Variants in KANSL1 observed in about 807,000 individuals in gnomAD.
KANSL1 encodes the protein MLL1/MLL complex subunit KANSL1.
A neutral mutation model predicts 103.6 loss-of-function variants in KANSL1; 22 were observed. That is an observed-to-expected ratio of 0.21 (90% CI 0.15 to 0.30). The LOEUF is 0.30. Ranked by LOEUF, KANSL1 falls within the 10% of genes least tolerant of loss-of-function variation. The pLI, the probability that KANSL1 is intolerant of heterozygous loss-of-function variation, is 1.00. For missense variants in KANSL1, 1,337 were observed against 1,399.8 expected (o/e 0.96, Z 0.72); for synonymous variants, 600 against 527.6 (o/e 1.14, Z -1.88).
intron 2 of KANSL1, among the ~76,000 whole-genome samples, chr17:46,165,228 T>C (rs1354338828): frequency 2.0e-5 from 3 of 151,932 alleles, no homozygotes; most frequent in Non-Finnish European, 2.9e-5. Flanking sequence ...CTTTTTTTTA[T>C]TTTTATTTTT....
upstream of KANSL1, among the ~76,000 whole-genome samples, chr17:46,198,863 A>G (rs1224905935): frequency 6.6e-6 from 1 of 152,256 alleles, no homozygotes; most frequent in Non-Finnish European, 1.5e-5. Context: ...TCATAAATCT[A>G]ATGCCACATT....
chr17:46,047,810 A>C (rs546640390), intron 7 of KANSL1, among the ~76,000 whole-genome samples: 9 of 135,648 alleles, frequency 6.6e-5, no homozygotes, highest in African/African-American at 2.0e-4. Context: ...ATTAAAAAAA[A>C]AAAAAAAACA....
intron 3 of KANSL1, among the ~76,000 whole-genome samples, chr17:46,088,037 G>A (rs2079231279): frequency 6.6e-6 from 1 of 152,170 alleles, no homozygotes; most frequent in Non-Finnish European, 1.5e-5. Flanking sequence ...CGAAGAAAAA[G>A]GTCAAGAGTC....
At chr17:46,032,635 G>A in intron 13 of KANSL1, 2 of 346,016 alleles carry the variant, frequency 5.8e-6, no homozygotes, top group Non-Finnish European at 1.0e-5. Context: ...CTTTCTACTT[G>A]AGAATCCCGA....
intron 2 of KANSL1, among the ~76,000 whole-genome samples, chr17:46,106,208 G>T (rs1458180562): frequency 6.6e-6 from 1 of 152,156 alleles, no homozygotes; most frequent in Non-Finnish European, 1.5e-5. Flanking sequence ...CACTTAGCTA[G>T]CTATTATCAT....
intron 2 of KANSL1, among the ~76,000 whole-genome samples, chr17:46,145,883 G>A (rs966548011): frequency 2.0e-5 from 3 of 152,112 alleles, no homozygotes; most frequent in Non-Finnish European, 4.4e-5. Flanking sequence ...CGTCGACCAT[G>A]ACACTCAGCT....
chr17:46,043,278 C>T (rs1195636088), intron 7 of KANSL1: 1 of 151,324 alleles, frequency 6.6e-6, no homozygotes, highest in Admixed American at 6.6e-5. Context: ...TTTCCCCCAT[C>T]GTTCTCCCAA....
chr17:46,138,959 C>A (rs1366881971), intron 2 of KANSL1, among the ~76,000 whole-genome samples: 3 of 152,234 alleles, frequency 2.0e-5, no homozygotes, highest in Non-Finnish European at 2.9e-5. Context: ...CAACTACCCC[C>A]AGTGGCTTAT....
At chr17:46,090,853 A>G (rs2079355784) in intron 3 of KANSL1, among the ~76,000 whole-genome samples, 1 of 152,270 alleles carries the variant, frequency 6.6e-6, no homozygotes, top group African/African-American at 2.4e-5. Context: ...TGCTATTAGA[A>G]GTATACCACA....
intron 1 of KANSL1, among the ~76,000 whole-genome samples, chr17:46,216,187 T>C (rs1052480831): frequency 6.6e-6 from 1 of 152,222 alleles, no homozygotes; most frequent in Non-Finnish European, 1.5e-5. Flanking sequence ...CATCGGCATA[T>C]AGACGGCAAG....
intron 4 of KANSL1, among the ~76,000 whole-genome samples, chr17:46,075,787 A>G (rs1191504630): frequency 2.0e-5 from 3 of 152,212 alleles, no homozygotes; most frequent in Non-Finnish European, 2.9e-5. Context: ...CAAAATATCC[A>G]ACACTCCATC....
intron 3 of KANSL1, among the ~76,000 whole-genome samples, chr17:46,092,064 C>T (rs1483579474): frequency 2.0e-5 from 3 of 152,196 alleles, no homozygotes; most frequent in African/African-American, 7.2e-5. Context: ...AGGTGACCCA[C>T]CCACCTTGGA....
chr17:46,184,724 T>A (rs1258131351), intron 1 of KANSL1, among the ~76,000 whole-genome samples: 1 of 152,156 alleles, frequency 6.6e-6, no homozygotes, highest in South Asian at 2.1e-4. Flanking sequence ...CAGGTTGAGG[T>A]GGGGTCCCTC....
At chr17:46,204,707 G>A (rs2047908058) in intron 1 of KANSL1, among the ~76,000 whole-genome samples, 2 of 152,134 alleles carry the variant, frequency 1.3e-5, no homozygotes, top group Admixed American at 6.5e-5. Context: ...CCTCAACAAA[G>A]CAAAATGAAT....
intron 2 of KANSL1, among the ~76,000 whole-genome samples, chr17:46,142,813 CT>C: frequency 6.6e-6 from 1 of 152,184 alleles, no homozygotes. Flanking sequence ...AACTGGGAAC[CT>C]TTTGGAAAGC....
chr17:46,105,429 C>G (rs1275240668), intron 2 of KANSL1, among the ~76,000 whole-genome samples: 2 of 152,072 alleles, frequency 1.3e-5, no homozygotes, highest in African/African-American at 4.8e-5. Flanking sequence ...CCAGCCTGAC[C>G]AACATGGTGA....
intron 4 of KANSL1, among the ~76,000 whole-genome samples, chr17:46,076,039 G>A (rs1438849422): frequency 6.6e-6 from 1 of 152,210 alleles, no homozygotes; most frequent in East Asian, 1.9e-4. Context: ...GACACAAAGT[G>A]CAGTCTGGAA....
At chr17:46,216,598 CAAAAA>C (rs72237062) in intron 1 of KANSL1, among the ~76,000 whole-genome samples, 1 of 83,750 alleles carries the variant, frequency 1.2e-5, no homozygotes. Context: ...GACTCCGTCT[CAAAAA>C]AAAAAAAAAA....
At chr17:46,139,291 T>C (rs976108394) in intron 2 of KANSL1, among the ~76,000 whole-genome samples, 3 of 118,938 alleles carry the variant, frequency 2.5e-5, no homozygotes, top group Non-Finnish European at 5.2e-5. Flanking sequence ...AAATCTTTCA[T>C]AGGCCAAAAA....
Sources: gnomAD v4.1 joint callset for allele counts (sites outside exome capture counted in the v4.1 genomes callset) on GRCh38, gnomAD v4.1.1 for gene constraint, MANE v1.5 for transcripts, NCBI Gene and HGNC (gene_info 2026-07-23, HGNC 2026-07-21) for gene names.